Variants in SLC4A7 observed in about 807,000 individuals in gnomAD.
SLC4A7 encodes sodium bicarbonate cotransporter 3.
In SLC4A7, 51 loss-of-function variants were observed where a neutral mutation model predicts 137.6. That is an observed-to-expected ratio of 0.37 (90% CI 0.30 to 0.47). The LOEUF (loss-of-function observed/expected upper bound fraction) is 0.47. SLC4A7 is among the 20% of genes least tolerant of loss of function. SLC4A7 has a pLI of 1.00. For missense variants in SLC4A7, 1,247 were observed against 1,525.4 expected (o/e 0.82, Z 3.04); for synonymous variants, 542 against 518.6 (o/e 1.05, Z -0.61).
rs1471403517 is a variant in SLC4A7 at position 27,375,353 on chromosome 3, T to C, written c.*1411A>G. The C allele has an allele frequency of 1.3e-5, 2 of 152,214 alleles. No homozygotes were observed. The highest frequency in any genetic ancestry group is 2.9e-5 in the Non-Finnish European group (2 of 67,898). The allele number at this position is 152,214 out of a possible 1,614,324, so 9.4% of individuals were successfully genotyped here. ...CATTTGATTTTTGTAAATTATTCTC[T>C]TGTCAAATCAGTTTCACAACCCCAT... On this transcript the variant is annotated 3_prime_UTR_variant, in exon 26 of 26. Transcript: ENST00000454389.
intron 1 of SLC4A7, among the ~76,000 whole-genome samples, chr3:27,473,079 CA>C (rs35807931): frequency 0.24 from 31,143 of 131,338 alleles, 3,215 homozygotes; most frequent in Non-Finnish European, 0.27. Flanking sequence ...GACTCTGTCT[CA>C]AAAAAAAAAA....
intron 1 of SLC4A7, among the ~76,000 whole-genome samples, chr3:27,482,122 A>C (rs1208951374): frequency 6.6e-6 from 1 of 152,020 alleles, no homozygotes; most frequent in African/African-American, 2.4e-5. Flanking sequence ...GACAGAGCGA[A>C]ACTCCGTCTC....
At chr3:27,393,386 G>A (rs1343943886) in intron 20 of SLC4A7, among the ~76,000 whole-genome samples, 1 of 152,082 alleles carries the variant, frequency 6.6e-6, no homozygotes, top group Non-Finnish European at 1.5e-5. Context: ...ATCTAACTAT[G>A]GATCAAATGT....
chr3:27,412,410 A>T (rs2053991954), intron 11 of SLC4A7, among the ~76,000 whole-genome samples: 1 of 152,220 alleles, frequency 6.6e-6, no homozygotes, highest in African/African-American at 2.4e-5. Flanking sequence ...AAGATGGAAG[A>T]AAAGGAAACA....
intron 7 of SLC4A7, 126 bp downstream of exon 7, chr3:27,431,172 G>T: frequency 1.0e-6 from 1 of 1,004,386 alleles, no homozygotes; most frequent in Non-Finnish European, 1.4e-6. Context: ...AAAAAAACAT[G>T]CAGAAGTCAA....
At chr3:27,411,301 A>G (rs1274960169) in intron 12 of SLC4A7, among the ~76,000 whole-genome samples, 1 of 152,016 alleles carries the variant, frequency 6.6e-6, no homozygotes, top group African/African-American at 2.4e-5. Flanking sequence ...TGTTCCCATA[A>G]TTCTCTAACT....
intron 13 of SLC4A7, among the ~76,000 whole-genome samples, chr3:27,405,994 T>C (rs555893573): frequency 6.6e-6 from 1 of 152,262 alleles, no homozygotes; most frequent in South Asian, 2.1e-4. Context: ...GTTTACCATA[T>C]ACAAACATCA....
chr3:27,381,000 C>A (rs2050366442), intron 24 of SLC4A7, among the ~76,000 whole-genome samples: 1 of 152,154 alleles, frequency 6.6e-6, no homozygotes, highest in Non-Finnish European at 1.5e-5. Context: ...AAATTATTTT[C>A]ATCTTTTATA....
intron 1 of SLC4A7, among the ~76,000 whole-genome samples, chr3:27,469,670 T>C (rs971085573): frequency 6.6e-6 from 1 of 152,072 alleles, no homozygotes; most frequent in African/African-American, 2.4e-5. Flanking sequence ...GGAGAATCAC[T>C]TGAACCCGGG....
At chr3:27,396,297 T>C (rs1010492824) in intron 18 of SLC4A7, among the ~76,000 whole-genome samples, 1 of 152,188 alleles carries the variant, frequency 6.6e-6, no homozygotes, top group African/African-American at 2.4e-5. Flanking sequence ...TAAGAGTTCC[T>C]TGATTTGCTT....
At chr3:27,445,830 G>T (rs1275605694) in intron 3 of SLC4A7, among the ~76,000 whole-genome samples, 2 of 146,698 alleles carry the variant, frequency 1.4e-5, no homozygotes, top group African/African-American at 5.0e-5. Flanking sequence ...TACTTGGGAG[G>T]CTGAGGCAGG....
chr3:27,475,122 G>GT (rs2059412235), intron 1 of SLC4A7, among the ~76,000 whole-genome samples: 1 of 151,950 alleles, frequency 6.6e-6, no homozygotes, highest in African/African-American at 2.4e-5. Flanking sequence ...AAAAAAACCA[G>GT]TATCAAATCC....
intron 24 of SLC4A7, 114 bp from the exon 25 acceptor site, chr3:27,379,470 A>C: frequency 1.7e-6 from 1 of 581,100 alleles, no homozygotes; most frequent in African/African-American, 1.8e-5. Flanking sequence ...GCCAGATATC[A>C]GAATTTGAAT....
chr3:27,376,691 T>C lies in SLC4A7; in HGVS notation c.*73A>G, dbSNP rs569192809. 159 of 913,932 alleles carry C rather than the reference T, an allele frequency of 1.7e-4. No homozygotes were observed. In the African/African-American group the frequency reaches 2.6e-3, roughly 15 times the overall value. 56.6% of individuals were successfully genotyped at this position (913,932 alleles called of 1,614,324 possible). On this transcript the variant is annotated 3_prime_UTR_variant, in exon 26 of 26. Transcript: ENST00000454389. ...ATAAACAGCATGACATACAATATTC[T>C]TATATATAGTGACATGATACGCACA...
At chr3:27,397,159 G>A (rs1283703562) in intron 18 of SLC4A7, among the ~76,000 whole-genome samples, 1 of 152,128 alleles carries the variant, frequency 6.6e-6, no homozygotes, top group African/African-American at 2.4e-5. Context: ...CTCCCGAGTA[G>A]CGGGATTACA....
intron 1 of SLC4A7, among the ~76,000 whole-genome samples, chr3:27,474,165 C>T (rs892762005): frequency 2.6e-5 from 4 of 152,070 alleles, no homozygotes; most frequent in Non-Finnish European, 4.4e-5. Flanking sequence ...CAGAATTAAG[C>T]TATCTACAAC....
In SLC4A7 at chr3:27,376,784, C is replaced by G; in HGVS notation, c.3760G>C (p.Asp1254His). 2.5e-6 allele frequency: 4 copies of G among 1,597,266 alleles called. No individual in the cohort carries two copies. The highest frequency in any genetic ancestry group is 3.4e-6 in the Non-Finnish European group (4 of 1,168,982). The change falls in exon 26 of 26, where the codon GAT becomes CAT. Residue 1254 changes from aspartate to histidine, a missense_variant. By Grantham distance (81) the Asp-to-His change is moderately conservative. This residue lies in a region of SLC4A7 where 290 missense variants were observed against 323.8 expected (regional missense o/e 0.90). Coordinates refer to ENST00000454389, the MANE Select transcript of SLC4A7 (RefSeq NM_001321103.2). Reference sequence around the variant, plus strand: ...CAATTCTATAATGAAGTTTCAGCATCCACGTATTTCTTTCTTGGTTCATCT... The same window carrying G: ...CAATTCTATAATGAAGTTTCAGCATGCACGTATTTCTTTCTTGGTTCATCT... ...FEDEPRKKYV[D>H]AETSL
chr3:27,391,675 A>G (rs746465252), intron 21 of SLC4A7, 65 bp downstream of exon 21: 9 of 959,782 alleles, frequency 9.4e-6, no homozygotes, highest in Non-Finnish European at 1.4e-5. Context: ...CCATCATTAA[A>G]ACAATCTTTG....
chr3:27,391,712 A>G (rs1229062110), intron 21 of SLC4A7, 28 bp downstream of exon 21: 5 of 1,265,186 alleles, frequency 4.0e-6, no homozygotes, highest in Non-Finnish European at 5.7e-6. Flanking sequence ...AAGTTTCTAT[A>G]GAAAATCATT....
Sources: allele counts gnomAD v4.1 joint callset (sites outside exome capture counted in the v4.1 genomes callset), GRCh38; gene constraint gnomAD v4.1.1; regional missense constraint gnomAD v4.1.1; transcripts MANE v1.5; gene names NCBI Gene and HGNC (gene_info 2026-07-23, HGNC 2026-07-21).